Variants in ROBO2 observed in about 807,000 individuals in gnomAD.
ROBO2 encodes roundabout guidance receptor 2, also known as roundabout homolog 2.
A neutral mutation model predicts 160.8 loss-of-function variants in ROBO2; 53 were observed. That is an observed-to-expected ratio of 0.33 (90% CI 0.26 to 0.41). ROBO2 has a LOEUF of 0.41. ROBO2 is among the 10% of genes least tolerant of loss of function. ROBO2 has a pLI of 1.00. For synonymous variants in ROBO2, 664 were observed against 611.7 expected (o/e 1.09, Z -1.26); for missense variants, 1,577 against 1,722.4 (o/e 0.92, Z 1.49).
At chr3:75,955,221 A>C (rs1205234806) in intron 2 of ROBO2, among the ~76,000 whole-genome samples, 1 of 151,836 alleles carries the variant, frequency 6.6e-6, no homozygotes, top group Non-Finnish European at 1.5e-5. Context: ...TAGGTTTAAT[A>C]TCATTATTTA....
intron 2 of ROBO2, among the ~76,000 whole-genome samples, chr3:76,323,609 T>A (rs2072760080): frequency 6.6e-6 from 1 of 152,072 alleles, no homozygotes. Context: ...GAGTATCGTT[T>A]CCAGATCACA....
chr3:76,154,913 T>A (rs78482688), intron 2 of ROBO2, among the ~76,000 whole-genome samples: 6,198 of 152,204 alleles, frequency 0.041, 149 homozygotes, highest in Middle Eastern at 0.082. Context: ...AAATATATAT[T>A]GTGGTTATTT....
chr3:76,161,780 AC>A (rs1418215417), intron 2 of ROBO2, among the ~76,000 whole-genome samples: 1 of 151,898 alleles, frequency 6.6e-6, no homozygotes, highest in Non-Finnish European at 1.5e-5. Flanking sequence ...ATTCCATTTC[AC>A]CATCTCTTTT....
chr3:76,969,835 G>T (rs1055212343), intron 2 of ROBO2, among the ~76,000 whole-genome samples: 2 of 151,390 alleles, frequency 1.3e-5, no homozygotes, highest in Admixed American at 6.6e-5. Flanking sequence ...GTGTGTGTTA[G>T]TGTGTGTGTG....
chr3:77,584,360 T>A (rs759301507), intron 16 of ROBO2, among the ~76,000 whole-genome samples: 6 of 152,152 alleles, frequency 3.9e-5, no homozygotes, highest in Admixed American at 1.3e-4. Flanking sequence ...CCCCTTCAGT[T>A]TTCCCTGCTT....
At chr3:76,095,886 A>G (rs1277609210) in intron 2 of ROBO2, among the ~76,000 whole-genome samples, 1 of 152,182 alleles carries the variant, frequency 6.6e-6, no homozygotes, top group African/African-American at 2.4e-5. Flanking sequence ...AAAATATATA[A>G]TACTAAGCTA....
Position 76,930,467 on chromosome 3 carries a change from T to A in ROBO2, c.110-167547T>A, listed in dbSNP as rs2077266647. Among the ~76,000 whole-genome samples, 4 of 151,858 alleles carry A rather than the reference T, an allele frequency of 2.6e-5. No individual in the cohort carries two copies. The South Asian group carries it at 8.3e-4, about 32-fold the overall frequency. ...ACTTCCTATTCATTTTCCCTACTTA[T>A]TTTTTTTATCACTGTCTAATCCTAT... On this transcript the variant is annotated intron_variant, in intron 2 of 26. Coordinates refer to the ROBO2 transcript ENST00000487694.
intron 2 of ROBO2, among the ~76,000 whole-genome samples, chr3:77,233,870 C>T (rs576424562): frequency 5.3e-5 from 8 of 152,062 alleles, no homozygotes; most frequent in Non-Finnish European, 1.0e-4. Context: ...GACAAAATAT[C>T]CACTAGTGAA....
intron 2 of ROBO2, among the ~76,000 whole-genome samples, chr3:76,351,229 C>T (rs965886527): frequency 4.0e-5 from 6 of 151,764 alleles, no homozygotes; most frequent in Admixed American, 1.3e-4. Context: ...GTAATACATC[C>T]CTAAGTCATA....
intron 2 of ROBO2, among the ~76,000 whole-genome samples, chr3:76,688,084 T>A (rs996034278): frequency 2.6e-5 from 4 of 152,092 alleles, no homozygotes; most frequent in African/African-American, 9.6e-5. Flanking sequence ...ATCATATCGA[T>A]GACTGAAGAT....
At chr3:77,407,660 T>A (rs1457151844) in intron 2 of ROBO2, among the ~76,000 whole-genome samples, 3 of 152,224 alleles carry the variant, frequency 2.0e-5, no homozygotes, top group African/African-American at 7.2e-5. Flanking sequence ...TTAGGGCTAA[T>A]CCTCCCAGCC....
At chr3:76,398,291 C>G (rs1236172491) in intron 2 of ROBO2, among the ~76,000 whole-genome samples, 2 of 134,346 alleles carry the variant, frequency 1.5e-5, no homozygotes, top group Non-Finnish European at 3.0e-5. Context: ...CACATGGACA[C>G]AGGAAGGGGA....
chr3:75,956,546 C>T (rs946027974), intron 2 of ROBO2, among the ~76,000 whole-genome samples: 1 of 151,678 alleles, frequency 6.6e-6, no homozygotes, highest in African/African-American at 2.4e-5. Flanking sequence ...TGCCATGTTC[C>T]TTGGAATATA....
chr3:77,532,799 AC>A (rs2091841364), intron 6 of ROBO2, among the ~76,000 whole-genome samples: 1 of 148,532 alleles, frequency 6.7e-6, no homozygotes, highest in Non-Finnish European at 1.5e-5. Flanking sequence ...AGCCTTTGTA[AC>A]CCTTTTTTCG....
At chr3:76,027,616 A>G (rs1260692983) in intron 2 of ROBO2, among the ~76,000 whole-genome samples, 1 of 152,048 alleles carries the variant, frequency 6.6e-6, no homozygotes, top group African/African-American at 2.4e-5. Flanking sequence ...TTCTGACAAC[A>G]GTGTCTTGCT....
chr3:76,869,641 G>T (rs539291327), intron 2 of ROBO2, among the ~76,000 whole-genome samples: 7 of 152,124 alleles, frequency 4.6e-5, no homozygotes, highest in Non-Finnish European at 7.4e-5. Context: ...GAGCCACCGC[G>T]CCCGGCCGAT....
intron 2 of ROBO2, among the ~76,000 whole-genome samples, chr3:76,934,767 T>A (rs2077580852): frequency 6.9e-6 from 1 of 144,974 alleles, no homozygotes. Flanking sequence ...AGCAAGAAAA[T>A]CCTTAGTTTT....
intron 4 of ROBO2, among the ~76,000 whole-genome samples, chr3:77,492,453 A>G (rs2086244946): frequency 6.6e-6 from 1 of 152,166 alleles, no homozygotes; most frequent in Non-Finnish European, 1.5e-5. Flanking sequence ...AGAGTGCTAG[A>G]ATACAATTTA....
chr3:77,093,143 T>C (rs1033755866), intron 1 of ROBO2, among the ~76,000 whole-genome samples: 4 of 152,130 alleles, frequency 2.6e-5, no homozygotes, highest in Non-Finnish European at 5.9e-5. Flanking sequence ...TCAAACGGTA[T>C]TGTGCATACA....
Sources: allele counts gnomAD v4.1 joint callset (sites outside exome capture counted in the v4.1 genomes callset), GRCh38; gene constraint gnomAD v4.1.1; transcripts MANE v1.5; gene names NCBI Gene and HGNC (gene_info 2026-07-23, HGNC 2026-07-21).